PPHLN1: variants seen among roughly 807,000 people sequenced by gnomAD.
PPHLN1 encodes periphilin 1, also known as periphilin-1.
A neutral mutation model predicts 51.3 loss-of-function variants in PPHLN1; 29 were observed. The ratio of observed to expected loss-of-function variants is 0.57; its 90% confidence interval spans 0.42 to 0.77. The LOEUF is 0.77. Ranked by LOEUF, PPHLN1 falls within the 30% of genes least tolerant of loss-of-function variation. The pLI is 0.00. For synonymous variants in PPHLN1, 147 were observed against 147.8 expected (o/e 0.99, Z 0.04); for missense variants, 436 against 438.4 (o/e 0.99, Z 0.05).
intron 4 of PPHLN1, among the ~76,000 whole-genome samples, chr12:42,366,097 T>C (rs1014243177): frequency 6.6e-6 from 1 of 152,148 alleles, no homozygotes; most frequent in African/African-American, 2.4e-5. Context: ...TGTTTCTCTA[T>C]TTAGCATGCT....
intron 2 of PPHLN1, among the ~76,000 whole-genome samples, chr12:42,347,980 A>G (rs1278341778): frequency 6.6e-6 from 1 of 152,192 alleles, no homozygotes; most frequent in Non-Finnish European, 1.5e-5. Context: ...TCAGGTATCT[A>G]CAGAGCAGAG....
intron 5 of PPHLN1, chr12:42,375,342 C>T (rs889211009): frequency 1.3e-4 from 31 of 230,208 alleles, no homozygotes; most frequent in African/African-American, 6.2e-4. Context: ...TTCAGAGTCT[C>T]GCTCTGTCTC....
intron 9 of PPHLN1, among the ~76,000 whole-genome samples, chr12:42,419,772 G>A (rs997616350): frequency 2.6e-5 from 4 of 152,096 alleles, no homozygotes; most frequent in Non-Finnish European, 5.9e-5. Flanking sequence ...GATATGAGTG[G>A]CTAATTTCCC....
intron 9 of PPHLN1, among the ~76,000 whole-genome samples, chr12:42,425,983 T>C (rs2081420388): frequency 6.6e-6 from 1 of 152,206 alleles, no homozygotes; most frequent in Admixed American, 6.5e-5. Flanking sequence ...TAAAATGCTC[T>C]TTAACCAACC....
downstream of PPHLN1, chr12:42,444,854 G>T: frequency 1.7e-6 from 1 of 579,288 alleles, no homozygotes; most frequent in South Asian, 2.1e-5. Flanking sequence ...ACGCTGTAAT[G>T]CTTTTTACCG....
intron 7 of PPHLN1, among the ~76,000 whole-genome samples, chr12:42,392,908 T>A (rs1392480095): frequency 2.6e-5 from 4 of 152,156 alleles, no homozygotes. Context: ...TTAACCCCTA[T>A]TTTGTAAATG....
At chr12:42,422,774 A>G (rs756446091) in intron 9 of PPHLN1, among the ~76,000 whole-genome samples, 8 of 152,216 alleles carry the variant, frequency 5.3e-5, no homozygotes. Flanking sequence ...ATTTCTAATA[A>G]ATAGAAATAC....
At chr12:42,375,868 A>AT (rs982793341) in intron 5 of PPHLN1, among the ~76,000 whole-genome samples, 36 of 152,310 alleles carry the variant, frequency 2.4e-4, no homozygotes, top group African/African-American at 8.4e-4. Context: ...GCTCGTTCAC[A>AT]TAACAGTTCC....
chr12:42,413,526 A>ATGTGTG (rs71084648), intron 9 of PPHLN1, among the ~76,000 whole-genome samples: 2,663 of 136,512 alleles, frequency 0.02, 41 homozygotes, highest in South Asian at 0.023. Flanking sequence ...ATATATGTAT[A>ATGTGTG]TGTGTGTGTG....
intron 9 of PPHLN1, among the ~76,000 whole-genome samples, chr12:42,424,304 T>C (rs1242362764): frequency 6.6e-6 from 1 of 152,142 alleles, no homozygotes; most frequent in Non-Finnish European, 1.5e-5. Context: ...TTTGCAGGGT[T>C]TCTCATGTAA....
intron 5 of PPHLN1, among the ~76,000 whole-genome samples, chr12:42,381,033 A>G (rs1249712047): frequency 1.3e-5 from 2 of 152,234 alleles, no homozygotes; most frequent in African/African-American, 4.8e-5. Flanking sequence ...GGTTAGTAGA[A>G]GGTGAAGGAT....
intron 9 of PPHLN1, among the ~76,000 whole-genome samples, chr12:42,411,663 G>A (rs1330766371): frequency 6.6e-6 from 1 of 151,978 alleles, no homozygotes; most frequent in East Asian, 1.9e-4. Context: ...CCAGCACTTT[G>A]GGAGGCCGAG....
At chr12:42,423,567 A>G (rs1050762827) in intron 9 of PPHLN1, among the ~76,000 whole-genome samples, 6 of 152,188 alleles carry the variant, frequency 3.9e-5, no homozygotes, top group Admixed American at 6.5e-5. Context: ...CTACATTTCT[A>G]TATGATGAGC....
intron 9 of PPHLN1, among the ~76,000 whole-genome samples, chr12:42,412,645 G>A (rs1319537358): frequency 6.6e-6 from 1 of 151,904 alleles, no homozygotes; most frequent in Non-Finnish European, 1.5e-5. Flanking sequence ...TAGATATACA[G>A]TAGTAGGATT....
At position 42,329,094 on chromosome 12, in the gene PPHLN1, A is replaced by ATTTTTTTTTTTTTTTTT. The variant is rs775555753; in HGVS notation, c.-21+2880_-21+2881insTTTTTTTTTTTTTTTTT. On this transcript the variant is annotated intron_variant, in intron 1 of 9. Transcript: ENST00000358314. ...TTATGTTTAGTTGTCTGGAATTTCAATTTTTTTTTTTTTTTGTGTGTGTGT... is the reference window on the plus strand; with the variant it reads ...TTATGTTTAGTTGTCTGGAATTTCAATTTTTTTTTTTTTTTTTTTTTTTTTTTTTTTTGTGTGTGTGT... Among the ~76,000 whole-genome samples, 6 of 141,360 alleles carry ATTTTTTTTTTTTTTTTT rather than the reference A, an allele frequency of 4.2e-5. 1 individual carries two copies. Among genetic ancestry groups the ATTTTTTTTTTTTTTTTT allele is most frequent in the African/African-American group, 1.7e-4 (6 of 35,734 alleles). The allele number at this position is 141,360 out of a possible 152,430, so 92.7% of individuals were successfully genotyped here.
At chr12:42,442,848 G>C, downstream of PPHLN1, 1 of 1,526,564 alleles carries the variant, frequency 6.6e-7, no homozygotes, top group Non-Finnish European at 8.8e-7. Flanking sequence ...GTATATAAAA[G>C]TATTGAAACA....
downstream of PPHLN1, chr12:42,442,798 G>T: frequency 6.2e-7 from 1 of 1,609,876 alleles, no homozygotes; most frequent in East Asian, 2.2e-5. Flanking sequence ...TCAAGCTAGG[G>T]TTTCATCATG....
chr12:42,415,199 T>G (rs1471851913), intron 9 of PPHLN1, among the ~76,000 whole-genome samples: 1 of 152,238 alleles, frequency 6.6e-6, no homozygotes, highest in Non-Finnish European at 1.5e-5. Context: ...TGAGACGTAG[T>G]CTTGCTCTGT....
At chr12:42,407,102 A>G (rs2079383408) in intron 9 of PPHLN1, among the ~76,000 whole-genome samples, 2 of 152,250 alleles carry the variant, frequency 1.3e-5, no homozygotes, top group South Asian at 2.1e-4. Flanking sequence ...TAGCTTTTAT[A>G]AGTCTTGATA....
Sources: gnomAD v4.1 joint callset for allele counts (sites outside exome capture counted in the v4.1 genomes callset) on GRCh38, gnomAD v4.1.1 for gene constraint, MANE v1.5 for transcripts, NCBI Gene and HGNC (gene_info 2026-07-23, HGNC 2026-07-21) for gene names.